The following EPHA3 variants were observed in gnomAD, a reference collection of about 807,000 sequenced individuals.
EPHA3 encodes the protein ephrin type-A receptor 3.
Under a neutral mutation model 107.1 loss-of-function variants are expected in EPHA3, and 42 were observed. That is an observed-to-expected ratio of 0.39 (90% CI 0.31 to 0.51). The LOEUF is 0.51. Among genes scored for constraint, EPHA3 ranks in the 20% least tolerant of loss-of-function variants. The probability of loss-of-function intolerance (pLI) is 0.78; values close to 1 mark genes in which losing one functional copy is unlikely to be tolerated. For missense variants in EPHA3, 1,183 were observed against 1,211.2 expected, an observed-to-expected ratio of 0.98 and a Z score of 0.35; for synonymous variants, 461 against 424.8, an observed-to-expected ratio of 1.09 and a Z score of -1.05.
intron 3 of EPHA3, among the ~76,000 whole-genome samples, chr3:89,312,745 G>A (rs1455484169): frequency 1.3e-5 from 2 of 151,562 alleles, no homozygotes; most frequent in Non-Finnish European, 2.9e-5. Context: ...CACCTACCAT[G>A]CTCCAGAAGG....
chr3:89,437,672 T>A lies in EPHA3; in HGVS notation c.2346+6313T>A, dbSNP rs143959457. Among the ~76,000 whole-genome samples, 6 of 152,302 alleles carry A rather than the reference T, an allele frequency of 3.9e-5. No homozygotes were observed. In the East Asian group the frequency reaches 9.7e-4, roughly 25 times the overall value. On this transcript the variant is annotated intron_variant, in intron 13 of 16. Coordinates refer to ENST00000336596, the MANE Select transcript of EPHA3 (RefSeq NM_005233.6). ...GCATTCATGCATCTATATAGATGAA[T>A]ATTTCTATATTCATATGTTGAAATA...
chr3:89,171,259 C>A (rs1705203181), intron 2 of EPHA3, among the ~76,000 whole-genome samples: 1 of 152,080 alleles, frequency 6.6e-6, no homozygotes, highest in Non-Finnish European at 1.5e-5. Flanking sequence ...TTTTATTTTT[C>A]AAATGCCTCT....
At chr3:89,413,375 G>T (rs1349602032) in intron 10 of EPHA3, 109 bp downstream of exon 10, 5 of 1,387,078 alleles carry the variant, frequency 3.6e-6, no homozygotes, top group Middle Eastern at 1.8e-4. Flanking sequence ...CTGATTTCAT[G>T]ATCAAAGGCA....
In EPHA3 at chr3:89,379,830, G is replaced by A. The variant is rs1425445921; in HGVS notation, c.1307-16007G>A. Reference sequence around the variant, plus strand: ...GCCAAATGAGTATTTTTATGTGTGAGTAAATTGGATAGCTCTGAGCTAATT... The same window carrying A: ...GCCAAATGAGTATTTTTATGTGTGAATAAATTGGATAGCTCTGAGCTAATT... On this transcript the variant is annotated intron_variant, in intron 5 of 16. Transcript: ENST00000336596. Among the ~76,000 whole-genome samples, 3 of 152,096 alleles carry A rather than the reference G, an allele frequency of 2.0e-5. No homozygotes were observed. In the East Asian group the frequency reaches 5.8e-4, roughly 29 times the overall value.
chr3:89,366,165 GA>G (rs371254321), intron 5 of EPHA3, among the ~76,000 whole-genome samples: 2,259 of 150,344 alleles, frequency 0.015, 53 homozygotes, highest in African/African-American at 0.052. Context: ...ATGCATTTGG[GA>G]AAAAAACAGA....
At chr3:89,228,907 G>A (rs1253106168) in intron 3 of EPHA3, among the ~76,000 whole-genome samples, 2 of 151,794 alleles carry the variant, frequency 1.3e-5, no homozygotes, top group Non-Finnish European at 2.9e-5. Context: ...GAGCTTTTGT[G>A]GTTTAATGGA....
chr3:89,113,713 C>G (rs1369925473), intron 1 of EPHA3, among the ~76,000 whole-genome samples: 1 of 147,456 alleles, frequency 6.8e-6, no homozygotes, highest in Non-Finnish European at 1.5e-5. Flanking sequence ...CCTAAAAACC[C>G]CGCACACTTA....
chr3:89,341,169 CTTCTGT>C, intron 4 of EPHA3, 98 bp downstream of exon 4: 1 of 1,284,728 alleles, frequency 7.8e-7, no homozygotes, highest in Non-Finnish European at 1.1e-6. Flanking sequence ...GGCCCATTTC[CTTCTGT>C]TGCCCGTGTG....
chr3:89,470,370 G>A (rs1710375824), intron 15 of EPHA3, among the ~76,000 whole-genome samples: 1 of 152,094 alleles, frequency 6.6e-6, no homozygotes, highest in Non-Finnish European at 1.5e-5. Flanking sequence ...TCTTTTTGAA[G>A]TTTTCAGAAG....
chr3:89,124,762 AGAC>A (rs1704054721), intron 1 of EPHA3, among the ~76,000 whole-genome samples: 1 of 152,046 alleles, frequency 6.6e-6, no homozygotes, highest in African/African-American at 2.4e-5. Flanking sequence ...TATAATTGAT[AGAC>A]AATAGAATCA....
intron 3 of EPHA3, among the ~76,000 whole-genome samples, chr3:89,213,012 T>C (rs147665520): frequency 2.0e-5 from 3 of 152,164 alleles, no homozygotes; most frequent in Non-Finnish European, 4.4e-5. Context: ...TCTCTGTTAA[T>C]TCAGAAACTC....
At chr3:89,194,825 T>G (rs1380631800) in intron 2 of EPHA3, among the ~76,000 whole-genome samples, 1 of 152,082 alleles carries the variant, frequency 6.6e-6, no homozygotes. Context: ...CTTGTTCTAT[T>G]CTCACCTCTG....
At chr3:89,389,887 CA>C (rs1708689907) in intron 5 of EPHA3, among the ~76,000 whole-genome samples, 1 of 152,176 alleles carries the variant, frequency 6.6e-6, no homozygotes, top group Non-Finnish European at 1.5e-5. Context: ...GTCAATGACT[CA>C]GGTTACAATG....
intron 2 of EPHA3, among the ~76,000 whole-genome samples, chr3:89,209,334 A>C (rs1220542099): frequency 5.9e-5 from 9 of 152,136 alleles, no homozygotes; most frequent in Admixed American, 5.9e-4. Flanking sequence ...GTTCTGCAAC[A>C]CATGTCCATT....
In EPHA3 at chr3:89,338,931, TA is replaced by T. The variant is rs199545611; in HGVS notation, c.815-1984del. Among the ~76,000 whole-genome samples the T allele has an allele frequency of 9.4e-3, 1,431 of 152,320 alleles. 35 individuals carry two copies. Among genetic ancestry groups the T allele is most frequent in the African/African-American group, 0.033 (1,354 of 41,568 alleles). On this transcript the variant is annotated intron_variant, in intron 3 of 16. Transcript: ENST00000336596. The stretch of plus-strand genomic sequence containing the variant: ...CTGCACAAATTATCAAGATTATTGA[TA>T]GTATCTTGAAGGTAGCTACAGTTAA...
chr3:89,357,084 G>T (rs1707976346), intron 5 of EPHA3, among the ~76,000 whole-genome samples: 1 of 116,010 alleles, frequency 8.6e-6, no homozygotes, highest in Non-Finnish European at 1.7e-5. Flanking sequence ...CTCCAGCCTG[G>T]TGAAAGAGTG....
intron 11 of EPHA3, among the ~76,000 whole-genome samples, chr3:89,422,618 T>A (rs1268536259): frequency 6.6e-6 from 1 of 151,428 alleles, no homozygotes; most frequent in Non-Finnish European, 1.5e-5. Context: ...ATATATTAAG[T>A]GGCAAAGAAC....
At chr3:89,409,487 TG>T (rs1709116678) in intron 9 of EPHA3, among the ~76,000 whole-genome samples, 1 of 152,038 alleles carries the variant, frequency 6.6e-6, no homozygotes, top group Non-Finnish European at 1.5e-5. Context: ...TTTTGAGCTT[TG>T]GTAAATTTCT....
intron 3 of EPHA3, among the ~76,000 whole-genome samples, chr3:89,278,765 G>A (rs1203547395): frequency 6.6e-6 from 1 of 152,086 alleles, no homozygotes; most frequent in African/African-American, 2.4e-5. Flanking sequence ...CATTTCTGAC[G>A]ACTAGGCCCA....
Sources: allele counts gnomAD v4.1 joint callset (sites outside exome capture counted in the v4.1 genomes callset), GRCh38; gene constraint gnomAD v4.1.1; transcripts MANE v1.5; gene names NCBI Gene and HGNC (gene_info 2026-07-23, HGNC 2026-07-21).